The following AFF3 variants were observed in gnomAD, a reference collection of about 807,000 sequenced individuals.
AFF3 encodes AF4/FMR2 family member 3.
Under a neutral mutation model 129.7 loss-of-function variants are expected in AFF3, and 32 were observed. The ratio of observed to expected loss-of-function variants is 0.25; its 90% CI spans 0.19 to 0.33. The LOEUF is 0.33. Ranked by LOEUF, AFF3 falls within the 10% of genes least tolerant of loss-of-function variation. AFF3 has a pLI of 1.00. For missense variants in AFF3, 1,373 were observed against 1,592.0 expected (o/e 0.86, Z 2.34); for synonymous variants, 644 against 635.4 (o/e 1.01, Z -0.20).
rs186406108 is a variant in AFF3, at chr2:99,841,555, T to C, written c.874-4031A>G. ...AACCTCTTGAGTCTTTTCAGAACAC[T>C]GAGAAATGTTCTGGGGACTCAAGAA... On this transcript the variant is annotated intron_variant, in intron 7 of 24. Coordinates refer to ENST00000672756, the MANE Select transcript of AFF3 (RefSeq NM_001386135.1). 1.8e-3 allele frequency among the ~76,000 whole-genome samples: 278 copies of C among 152,310 alleles called. 2 individuals carry two copies. The highest frequency in any genetic ancestry group is 6.5e-3 in the African/African-American group (270 of 41,552).
intron 7 of AFF3, among the ~76,000 whole-genome samples, chr2:99,888,048 G>C (rs1693253940): frequency 1.3e-5 from 2 of 152,196 alleles, no homozygotes; most frequent in African/African-American, 4.8e-5. Context: ...AATAACTTCA[G>C]AAACGCTGTC....
intron 7 of AFF3, among the ~76,000 whole-genome samples, chr2:99,840,438 TAA>T (rs1259842753): frequency 2.6e-5 from 4 of 152,224 alleles, no homozygotes; most frequent in African/African-American, 7.2e-5. Context: ...GTCTCATCAT[TAA>T]AAGACCAACA....
intron 13 of AFF3, among the ~76,000 whole-genome samples, chr2:99,633,241 G>A (rs999563718): frequency 1.3e-5 from 2 of 151,958 alleles, no homozygotes; most frequent in Admixed American, 1.3e-4. Context: ...CCGTACACGT[G>A]CCGAGATTTG....
chr2:99,921,804 T>C (rs1224284136), intron 7 of AFF3, among the ~76,000 whole-genome samples: 1 of 152,028 alleles, frequency 6.6e-6, no homozygotes, highest in Non-Finnish European at 1.5e-5. Context: ...ATATTTGCAA[T>C]ACATATATCT....
intron 8 of AFF3, among the ~76,000 whole-genome samples, chr2:99,773,967 T>G (rs2105339669): frequency 6.6e-6 from 1 of 152,110 alleles, no homozygotes; most frequent in African/African-American, 2.4e-5. Flanking sequence ...CATGAAAGAA[T>G]TCCCATTCCC....
intron 7 of AFF3, among the ~76,000 whole-genome samples, chr2:99,995,832 T>C (rs189413696): frequency 8.5e-5 from 13 of 152,340 alleles, no homozygotes; most frequent in East Asian, 5.8e-4. Flanking sequence ...TTAGGAAAGA[T>C]TGATTTTCTT....
chr2:99,750,016 A>C (rs1003311969), intron 9 of AFF3, among the ~76,000 whole-genome samples: 3 of 152,204 alleles, frequency 2.0e-5, no homozygotes, highest in Non-Finnish European at 4.4e-5. Context: ...CGTAACATCC[A>C]CAACTAAAAC....
Position 99,593,753 on chromosome 2 carries a change from G to A in AFF3, c.1908C>T (p.Ser636=), listed in dbSNP as rs1274507227. 6.2e-7 allele frequency: 1 copy of A among 1,612,696 alleles called. No homozygotes were observed. Among genetic ancestry groups the A allele is most frequent in the African/African-American group, 1.3e-5 (1 of 74,934 alleles). Residue 636 remains serine (S), a synonymous_variant, in exon 15 of 25, where the codon AGC becomes AGT. Coordinates refer to ENST00000672756, the MANE Select transcript of AFF3 (RefSeq NM_001386135.1). ...CGGAGGAGCGCAGCTCCTTGCGGTG[G>A]CTCGCTCTGTTGTTGCCACAGGGCC... ...KTRPCGNNRA[S]HRKELRSSVT...
At chr2:99,619,206 C>T (rs1681751429) in intron 13 of AFF3, among the ~76,000 whole-genome samples, 1 of 152,224 alleles carries the variant, frequency 6.6e-6, no homozygotes, top group Non-Finnish European at 1.5e-5. Flanking sequence ...AATTCCATTT[C>T]TCTCCTGTGT....
At chr2:99,620,653 G>A (rs1404458976) in intron 13 of AFF3, among the ~76,000 whole-genome samples, 1 of 152,106 alleles carries the variant, frequency 6.6e-6, no homozygotes, top group East Asian at 1.9e-4. Context: ...AATCCCCAAA[G>A]ACCCTCTGAA....
chr2:100,087,616 G>T (rs540763354), intron 4 of AFF3, among the ~76,000 whole-genome samples: 3 of 150,166 alleles, frequency 2.0e-5, no homozygotes, highest in Admixed American at 2.0e-4. Context: ...CAATGCTTTC[G>T]TGTTTCCATG....
intron 7 of AFF3, among the ~76,000 whole-genome samples, chr2:99,904,356 T>C (rs1238842180): frequency 6.6e-6 from 1 of 152,072 alleles, no homozygotes; most frequent in East Asian, 1.9e-4. Flanking sequence ...TTTCTAACGG[T>C]TGAATAGGAT....
intron 8 of AFF3, among the ~76,000 whole-genome samples, chr2:99,785,070 A>C (rs959415742): frequency 1.3e-5 from 2 of 152,144 alleles, no homozygotes; most frequent in African/African-American, 4.8e-5. Flanking sequence ...TTAGTCACTT[A>C]TCCTCATTTA....
In AFF3 at chr2:100,125,408, G is replaced by T. The variant is rs527623529; in HGVS notation, c.-145+3816C>A. ...GTGAAGGCAAGACCAGAAGAATAGA[G>T]AATGGAAAAATGGAAACAAGCTCGC... On this transcript the variant is annotated intron_variant, in intron 2 of 24. Coordinates refer to ENST00000672756, the MANE Select transcript of AFF3 (RefSeq NM_001386135.1). Among the ~76,000 whole-genome samples the T allele has an allele frequency of 5.9e-5, 9 of 152,248 alleles. No homozygotes were observed. The South Asian group carries it at 1.9e-3, about 32-fold the overall frequency.
At chr2:99,907,774 G>A (rs1053145414) in intron 7 of AFF3, among the ~76,000 whole-genome samples, 2 of 152,198 alleles carry the variant, frequency 1.3e-5, no homozygotes, top group African/African-American at 4.8e-5. Context: ...GATTGCAGGT[G>A]TGAGCCACTG....
chr2:99,886,659 T>C (rs1405792601), intron 7 of AFF3, among the ~76,000 whole-genome samples: 1 of 152,166 alleles, frequency 6.6e-6, no homozygotes, highest in Non-Finnish European at 1.5e-5. Flanking sequence ...AAATGGTCTA[T>C]ATACCACGCT....
chr2:99,823,885 T>A (rs764707522), intron 8 of AFF3, among the ~76,000 whole-genome samples: 7 of 152,082 alleles, frequency 4.6e-5, no homozygotes, highest in Non-Finnish European at 7.4e-5. Context: ...CACTCATAAG[T>A]AGGTGCTAGA....
rs200274100 is a variant in AFF3 at position 100,008,791 on chromosome 2, G to T, written c.174+21C>A. 2.2e-5 allele frequency: 35 copies of T among 1,610,796 alleles called. No individual in the cohort carries two copies. The Admixed American group carries it at 4.4e-4, about 20-fold the overall frequency. On this transcript the variant is annotated intron_variant, in intron 5 of 24. Coordinates refer to ENST00000672756, the MANE Select transcript of AFF3 (RefSeq NM_001386135.1). ...AGAGAAACAAGTGAGAGGTAGAGAT[G>T]AACAACTGAAAACCATCTACCTTGT... is the stretch of plus-strand genomic sequence containing the variant.
intron 4 of AFF3, among the ~76,000 whole-genome samples, chr2:100,077,496 C>T (rs1688674468): frequency 6.6e-6 from 1 of 152,132 alleles, no homozygotes. Context: ...CCTGCCAACA[C>T]CTTGATGTTA....
Sources: gnomAD v4.1 joint callset for allele counts (sites outside exome capture counted in the v4.1 genomes callset) on GRCh38, gnomAD v4.1.1 for gene constraint, MANE v1.5 for transcripts, NCBI Gene and HGNC (gene_info 2026-07-23, HGNC 2026-07-21) for gene names.